The following NRXN3 variants were observed in gnomAD, a reference collection of about 807,000 sequenced individuals.
NRXN3 encodes neurexin III.
A neutral mutation model predicts 137.6 loss-of-function variants in NRXN3; 32 were observed. The ratio of observed to expected loss-of-function variants is 0.23; its 90% confidence interval spans 0.18 to 0.31. The LOEUF (loss-of-function observed/expected upper bound fraction) is 0.31, where lower values mean the gene tolerates loss of function less well. Among genes scored for constraint, NRXN3 ranks in the 10% least tolerant of loss-of-function variants. The pLI, the probability that NRXN3 is intolerant of heterozygous loss-of-function variation, is 1.00. For missense variants in NRXN3, 1,574 were observed against 2,062.5 expected (o/e 0.76, Z 4.59); for synonymous variants, 798 against 784.5 (o/e 1.02, Z -0.29).
chr14:79,066,441 C>A (rs60829467), intron 15 of NRXN3, among the ~76,000 whole-genome samples: 1 of 152,010 alleles, frequency 6.6e-6, no homozygotes, highest in Admixed American at 6.6e-5. Flanking sequence ...CAGCTTTGTT[C>A]TTTTTGCTTA....
chr14:79,741,902 C>A (rs2154080602), intron 19 of NRXN3, among the ~76,000 whole-genome samples: 1 of 152,064 alleles, frequency 6.6e-6, no homozygotes, highest in South Asian at 2.1e-4. Flanking sequence ...TATACACACA[C>A]AACATATACA....
intron 16 of NRXN3, among the ~76,000 whole-genome samples, chr14:79,638,795 A>G (rs2098418358): frequency 6.6e-6 from 1 of 152,214 alleles, no homozygotes; most frequent in East Asian, 1.9e-4. Context: ...AGCAGGCAGC[A>G]TTGCTGTTGG....
intron 8 of NRXN3, among the ~76,000 whole-genome samples, chr14:78,752,718 A>C (rs536331682): frequency 6.6e-6 from 1 of 152,116 alleles, no homozygotes; most frequent in Non-Finnish European, 1.5e-5. Flanking sequence ...GGATAGGAAG[A>C]GCCTTGCCCT....
chr14:79,563,374 ATTTCAGGAGGGAC>A (rs946192264), intron 16 of NRXN3, among the ~76,000 whole-genome samples: 48 of 152,140 alleles, frequency 3.2e-4, no homozygotes, highest in African/African-American at 1.1e-3. Flanking sequence ...CTGGCAGCTT[ATTTCAGGAGGGAC>A]ACCCGTTGTT....
chr14:79,204,968 C>T (rs942792063), intron 15 of NRXN3, among the ~76,000 whole-genome samples: 1 of 152,138 alleles, frequency 6.6e-6, no homozygotes, highest in Non-Finnish European at 1.5e-5. Flanking sequence ...ACATTCTTCC[C>T]TCTAAAGAGC....
intron 15 of NRXN3, among the ~76,000 whole-genome samples, chr14:79,094,535 T>A (rs1294371200): frequency 6.6e-6 from 1 of 152,230 alleles, no homozygotes; most frequent in Non-Finnish European, 1.5e-5. Context: ...TTTTTTATTC[T>A]CTTTTCAAAC....
chr14:79,691,429 G>A (rs952881635), intron 17 of NRXN3, among the ~76,000 whole-genome samples: 4 of 151,858 alleles, frequency 2.6e-5, no homozygotes, highest in East Asian at 1.9e-4. Flanking sequence ...ATAAAATATC[G>A]GTGCTCAAAA....
At chr14:79,527,424 G>T (rs1164775723) in intron 16 of NRXN3, among the ~76,000 whole-genome samples, 1 of 151,980 alleles carries the variant, frequency 6.6e-6, no homozygotes, top group Non-Finnish European at 1.5e-5. Flanking sequence ...ATGGAAAGTG[G>T]TCTCTTAAGC....
chr14:79,270,749 C>T (rs1254436448), intron 15 of NRXN3, among the ~76,000 whole-genome samples: 3 of 152,286 alleles, frequency 2.0e-5, no homozygotes, highest in African/African-American at 7.2e-5. Context: ...GACATAGACA[C>T]CATCAATGCC....
At chr14:78,566,646 ACCTT>A (rs920489745) in intron 4 of NRXN3, among the ~76,000 whole-genome samples, 11 of 151,984 alleles carry the variant, frequency 7.2e-5, no homozygotes, top group Non-Finnish European at 1.2e-4. Context: ...CCGAGCCCCC[ACCTT>A]CCTTCCTTCC....
At position 79,182,571 on chromosome 14, in the gene NRXN3, C is replaced by T. The variant is rs572893611; in HGVS notation, c.3262+194430C>T. 2.5e-4 allele frequency among the ~76,000 whole-genome samples: 38 copies of T among 152,188 alleles called. No homozygotes were observed. In the East Asian group the frequency reaches 4.2e-3, roughly 17 times the overall value. ...AGGAGGCAGAGCTCAGGCAGTAATG[C>T]GAGGAGTGGGGAGCGGCTGTAAATA... On this transcript the variant is annotated intron_variant, in intron 15 of 20. Transcript: ENST00000335750.
At position 79,134,014 on chromosome 14, in the gene NRXN3, C is replaced by A. The variant is rs949344583; in HGVS notation, c.3262+145873C>A. Among the ~76,000 whole-genome samples, 8 of 151,858 alleles carry A rather than the reference C, an allele frequency of 5.3e-5. 1 individual carries two copies. The South Asian group carries it at 1.7e-3, about 32-fold the overall frequency. ...TGAAGGAGTAAATATGTGTGACAAC[C>A]AGTGGTGTCCTCATTCCGTATCTCC... On this transcript the variant is annotated intron_variant, in intron 15 of 20. Coordinates refer to ENST00000335750, the MANE Select transcript of NRXN3 (RefSeq NM_001330195.2).
At chr14:78,728,610 C>T (rs1480196462) in intron 8 of NRXN3, among the ~76,000 whole-genome samples, 4 of 152,070 alleles carry the variant, frequency 2.6e-5, no homozygotes, top group East Asian at 1.9e-4. Flanking sequence ...TTTGTGGGGG[C>T]GGTGGGGAGG....
At chr14:79,030,635 C>CTTTTTTTTTTTTTTTTTTTTTGTTTTTTT (rs2099606385) in intron 15 of NRXN3, among the ~76,000 whole-genome samples, 1 of 54,236 alleles carries the variant, frequency 1.8e-5, no homozygotes, top group African/African-American at 7.2e-5. Context: ...TTCTCTGTGT[C>CTTTTTTTTTTTTTTTTTTTTTGTTTTTTT]TTTTTTTTTT....
chr14:79,362,983 AT>A (rs2153421037), intron 15 of NRXN3, among the ~76,000 whole-genome samples: 1 of 150,344 alleles, frequency 6.7e-6, no homozygotes, highest in African/African-American at 2.4e-5. Context: ...GTGAGTGACC[AT>A]TTAGAAATTT....
intron 15 of NRXN3, among the ~76,000 whole-genome samples, chr14:79,138,592 G>C (rs1459197822): frequency 6.6e-6 from 1 of 152,202 alleles, no homozygotes; most frequent in Non-Finnish European, 1.5e-5. Flanking sequence ...GCCTAATTAG[G>C]ATTTATAGTA....
chr14:78,726,433 T>C (rs2152885220), intron 8 of NRXN3, among the ~76,000 whole-genome samples: 1 of 147,246 alleles, frequency 6.8e-6, no homozygotes, highest in South Asian at 2.2e-4. Flanking sequence ...AGTGAGAACA[T>C]GTGGTATTTG....
chr14:78,389,603 C>G (rs1277249406), intron 4 of NRXN3, among the ~76,000 whole-genome samples: 1 of 152,064 alleles, frequency 6.6e-6, no homozygotes, highest in East Asian at 1.9e-4. Flanking sequence ...AAGTTTTCCT[C>G]TTATTATTTT....
intron 4 of NRXN3, among the ~76,000 whole-genome samples, chr14:78,354,205 C>T (rs2083944258): frequency 6.6e-6 from 1 of 152,260 alleles, no homozygotes; most frequent in Admixed American, 6.5e-5. Context: ...AGGTGGAAGC[C>T]TCTGTAGACA....
Sources: allele counts gnomAD v4.1 joint callset (sites outside exome capture counted in the v4.1 genomes callset), GRCh38; gene constraint gnomAD v4.1.1; transcripts MANE v1.5; gene names NCBI Gene and HGNC (gene_info 2026-07-23, HGNC 2026-07-21).